The following PRKCA variants were observed in gnomAD, a reference collection of about 807,000 sequenced individuals.
The protein encoded by PRKCA is protein kinase C alpha, also known as protein kinase C alpha type.
PRKCA carries 27 observed loss-of-function variants against 87.0 expected under a neutral mutation model. That is an observed-to-expected ratio of 0.31 (90% CI 0.23 to 0.43). The LOEUF (loss-of-function observed/expected upper bound fraction) is 0.43. PRKCA is among the 20% of genes least tolerant of loss of function. The pLI is 1.00. For missense variants in PRKCA, 518 were observed against 852.3 expected (o/e 0.61, Z 4.88); for synonymous variants, 329 against 311.1 (o/e 1.06, Z -0.61).
At chr17:66,303,514 T>G (rs969300114) in intron 1 of PRKCA, among the ~76,000 whole-genome samples, 4 of 150,364 alleles carry the variant, frequency 2.7e-5, no homozygotes, top group African/African-American at 9.8e-5. Context: ...GGGGGGGTTG[T>G]GTTTGTGCTT....
At chr17:66,619,477 G>A (rs1379710245) in intron 3 of PRKCA, among the ~76,000 whole-genome samples, 1 of 152,188 alleles carries the variant, frequency 6.6e-6, no homozygotes, top group Admixed American at 6.5e-5. Flanking sequence ...AGTGACAGTT[G>A]GATGCCTGGC....
chr17:66,391,041 GGACTCATCT>G (rs1910331247), intron 2 of PRKCA, among the ~76,000 whole-genome samples: 1 of 152,130 alleles, frequency 6.6e-6, no homozygotes. Context: ...CAGATCCCAT[GGACTCATCT>G]TCAGCAAACC....
intron 2 of PRKCA, among the ~76,000 whole-genome samples, chr17:66,459,213 A>AAG (rs1326140928): frequency 3.9e-5 from 6 of 151,916 alleles, no homozygotes; most frequent in Non-Finnish European, 8.8e-5. Flanking sequence ...TCTCAAAAAA[A>AAG]AAAAAAAAAA....
At chr17:66,578,205 T>C (rs1185902422) in intron 3 of PRKCA, among the ~76,000 whole-genome samples, 1 of 149,316 alleles carries the variant, frequency 6.7e-6, no homozygotes, top group East Asian at 2.0e-4. Flanking sequence ...ATCTCGTCTG[T>C]CCCAGGGTCG....
intron 3 of PRKCA, among the ~76,000 whole-genome samples, chr17:66,506,598 G>A (rs914991676): frequency 5.3e-5 from 8 of 152,140 alleles, no homozygotes; most frequent in South Asian, 4.1e-4. Context: ...ACAGCTGTGC[G>A]TGAGACTTTT....
intron 2 of PRKCA, among the ~76,000 whole-genome samples, chr17:66,338,678 A>G (rs541393154): frequency 6.6e-6 from 1 of 152,312 alleles, no homozygotes; most frequent in East Asian, 1.9e-4. Flanking sequence ...CTGCAGCTGA[A>G]TCTGGGCTTT....
At chr17:66,527,007 T>C (rs1383971932) in intron 3 of PRKCA, among the ~76,000 whole-genome samples, 1 of 152,184 alleles carries the variant, frequency 6.6e-6, no homozygotes, top group East Asian at 1.9e-4. Context: ...CACAGCCATG[T>C]CCAGTGGTTT....
At chr17:66,343,871 A>G (rs890224436) in intron 2 of PRKCA, among the ~76,000 whole-genome samples, 4 of 151,964 alleles carry the variant, frequency 2.6e-5, no homozygotes, top group African/African-American at 9.7e-5. Context: ...GGACCAGGTG[A>G]CCTTGGGCTT....
At chr17:66,321,952 C>T (rs1484634424) in intron 2 of PRKCA, among the ~76,000 whole-genome samples, 1 of 152,216 alleles carries the variant, frequency 6.6e-6, no homozygotes, top group East Asian at 1.9e-4. Flanking sequence ...ATCCTTGGCT[C>T]TAACAACTGG....
intron 5 of PRKCA, among the ~76,000 whole-genome samples, chr17:66,649,242 G>C (rs1175977111): frequency 1.3e-5 from 2 of 152,168 alleles, no homozygotes; most frequent in Non-Finnish European, 2.9e-5. Context: ...GCCCCCTTGG[G>C]GCAGTGCTTG....
chr17:66,559,388 T>C (rs1968610782), intron 3 of PRKCA, among the ~76,000 whole-genome samples: 1 of 149,068 alleles, frequency 6.7e-6, no homozygotes, highest in South Asian at 2.1e-4. Flanking sequence ...AGGCAGAGAA[T>C]TGCTTGAACT....
chr17:66,446,465 A>C (rs1412952821), intron 2 of PRKCA, among the ~76,000 whole-genome samples: 1 of 152,216 alleles, frequency 6.6e-6, no homozygotes, highest in Non-Finnish European at 1.5e-5. Context: ...TCTTCTGTCC[A>C]GACCCAGAAG....
chr17:66,657,498 C>G (rs1041906855), intron 5 of PRKCA, among the ~76,000 whole-genome samples: 7 of 152,134 alleles, frequency 4.6e-5, no homozygotes, highest in African/African-American at 1.7e-4. Flanking sequence ...GGACATGGCT[C>G]TTTTTCTGGG....
chr17:66,728,168 CAG>C (rs1973801483), intron 8 of PRKCA, among the ~76,000 whole-genome samples: 1 of 152,208 alleles, frequency 6.6e-6, no homozygotes, highest in African/African-American at 2.4e-5. Context: ...GTAGTGGAAA[CAG>C]AAGTGCTGCT....
chr17:66,387,313 C>G (rs1910116907), intron 2 of PRKCA, among the ~76,000 whole-genome samples: 1 of 152,182 alleles, frequency 6.6e-6, no homozygotes, highest in South Asian at 2.1e-4. Context: ...GGATACAGGA[C>G]CTGGTGAAGC....
intron 2 of PRKCA, among the ~76,000 whole-genome samples, chr17:66,362,688 T>C (rs917389435): frequency 7.1e-6 from 1 of 141,560 alleles, no homozygotes; most frequent in African/African-American, 2.6e-5. Flanking sequence ...TTTTTTTTTT[T>C]CCTCTTTGTT....
chr17:66,449,849 A>G (rs1239394282), intron 2 of PRKCA, among the ~76,000 whole-genome samples: 1 of 152,052 alleles, frequency 6.6e-6, no homozygotes, highest in Non-Finnish European at 1.5e-5. Context: ...AGGTGTAGGC[A>G]GCTTTTTTGT....
Position 66,563,994 on chromosome 17 carries a change from CCTTCCTTCCTCCTTT to C in PRKCA, c.288+67715_288+67729del, listed in dbSNP as rs774738928. ...TCCTTCCTTCCTTCCTTCCTTCCTT[CCTTCCTTCCTCCTTT>C]CTTTCTCTCTCTCTTTCTTTCTTCC... On this transcript the variant is annotated intron_variant, in intron 3 of 16. Coordinates refer to ENST00000413366, the MANE Select transcript of PRKCA (RefSeq NM_002737.3). Among the ~76,000 whole-genome samples, 175 of 140,404 alleles carry C rather than the reference CCTTCCTTCCTCCTTT, an allele frequency of 1.2e-3. 1 individual carries two copies. Among genetic ancestry groups the C allele is most frequent in the African/African-American group, 3.8e-3 (136 of 35,694 alleles). 92.1% of individuals were successfully genotyped at this position (140,404 alleles called of 152,430 possible). A position where few individuals can be genotyped will look rare whatever the true frequency, so the allele number is the denominator to read the frequency against.
At chr17:66,418,025 T>C (rs977855191) in intron 2 of PRKCA, among the ~76,000 whole-genome samples, 31 of 152,230 alleles carry the variant, frequency 2.0e-4, no homozygotes, top group Non-Finnish European at 4.0e-4. Flanking sequence ...GACCTCTTCA[T>C]GGGCAGTGAG....
Sources: gnomAD v4.1 joint callset for allele counts (sites outside exome capture counted in the v4.1 genomes callset) on GRCh38, gnomAD v4.1.1 for gene constraint, MANE v1.5 for transcripts, NCBI Gene and HGNC (gene_info 2026-07-23, HGNC 2026-07-21) for gene names.